MTAP: variants seen among roughly 807,000 people sequenced by gnomAD.
MTAP encodes the protein S-methyl-5'-thioadenosine phosphorylase.
Under a neutral mutation model 33.6 loss-of-function variants are expected in MTAP, and 33 were observed. The observed-to-expected ratio is 0.98, with a 90% CI of 0.74 to 1.31. The LOEUF (loss-of-function observed/expected upper bound fraction) is 1.31, where lower values mean the gene tolerates loss of function less well. Ranked by LOEUF, MTAP falls within the 40% of genes most tolerant of loss-of-function variation. MTAP has a pLI of 0.00. For missense variants in MTAP, 367 were observed against 360.0 expected (o/e 1.02, Z -0.16); for synonymous variants, 148 against 125.7 (o/e 1.18, Z -1.19).
At chr9:21,852,721 A>G (rs1273447611) in intron 5 of MTAP, among the ~76,000 whole-genome samples, 1 of 151,548 alleles carries the variant, frequency 6.6e-6, no homozygotes, top group Non-Finnish European at 1.5e-5. Context: ...AAAAAAAAAA[A>G]GCCTGGTAAT....
intron 4 of MTAP, among the ~76,000 whole-genome samples, chr9:21,835,689 A>C (rs2118294626): frequency 6.6e-6 from 1 of 152,174 alleles, no homozygotes; most frequent in African/African-American, 2.4e-5. Context: ...TACACATTTC[A>C]TTCTGGAATT....
chr9:21,815,312 A>G, intron 1 of MTAP, 121 bp from the exon 2 acceptor site: 1 of 633,034 alleles, frequency 1.6e-6, no homozygotes, highest in Non-Finnish European at 2.6e-6. Context: ...CAGATTTCAA[A>G]AAAATAACTA....
intron 4 of MTAP, among the ~76,000 whole-genome samples, chr9:21,834,453 T>C (rs540765320): frequency 2.0e-5 from 3 of 152,346 alleles, no homozygotes; most frequent in South Asian, 4.1e-4. Context: ...TATCTTTTAG[T>C]TCTGTAAGTT....
intron 1 of MTAP, among the ~76,000 whole-genome samples, chr9:21,873,018 G>A (rs557273881): frequency 6.6e-6 from 1 of 152,264 alleles, no homozygotes; most frequent in East Asian, 1.9e-4. Context: ...GTTCCTTGAT[G>A]TTACTAGAGC....
intron 1 of MTAP, among the ~76,000 whole-genome samples, chr9:21,921,093 G>A (rs1450487624): frequency 2.6e-5 from 4 of 151,946 alleles, no homozygotes; most frequent in Non-Finnish European, 4.4e-5. Flanking sequence ...GTTTGTTCAA[G>A]TTATTTTTTT....
At chr9:21,903,316 A>AT (rs201733990) in intron 1 of MTAP, among the ~76,000 whole-genome samples, 7 of 152,060 alleles carry the variant, frequency 4.6e-5, no homozygotes, top group African/African-American at 1.7e-4. Context: ...ATGACAAAAG[A>AT]TTTTTTTTTA....
chr9:21,914,583 A>C (rs984922527), intron 1 of MTAP, among the ~76,000 whole-genome samples: 5 of 140,584 alleles, frequency 3.6e-5, no homozygotes, highest in Non-Finnish European at 7.7e-5. Flanking sequence ...TTGAGCAATG[A>C]CAACTCTTGG....
chr9:21,931,264 G>T, downstream of MTAP: 2 of 609,194 alleles, frequency 3.3e-6, no homozygotes, highest in South Asian at 2.0e-5. Flanking sequence ...AGTTACAGAA[G>T]ACTGACCTTC....
At chr9:21,810,290 A>G (rs192002595) in intron 1 of MTAP, among the ~76,000 whole-genome samples, 99 of 152,318 alleles carry the variant, frequency 6.5e-4, no homozygotes, top group African/African-American at 2.0e-3. Flanking sequence ...TTATATCCCA[A>G]TCTCTTGTAA....
chr9:21,839,723 A>C (rs1249305198), intron 5 of MTAP, among the ~76,000 whole-genome samples: 1 of 152,226 alleles, frequency 6.6e-6, no homozygotes, highest in East Asian at 1.9e-4. Context: ...TAACATCCAC[A>C]TGATCTTTCA....
At chr9:21,836,645 C>G (rs1825114733) in intron 4 of MTAP, among the ~76,000 whole-genome samples, 1 of 152,216 alleles carries the variant, frequency 6.6e-6, no homozygotes, top group African/African-American at 2.4e-5. Flanking sequence ...TTTATACAGG[C>G]TGAAACAGTC....
At chr9:21,929,772 C>A (rs2131046046) in intron 1 of MTAP, 1 of 216,360 alleles carries the variant, frequency 4.6e-6, no homozygotes, top group Non-Finnish European at 9.6e-6. Context: ...ATCCACAAGG[C>A]ACCTCTCATT....
chr9:21,888,736 A>T (rs527818346), intron 1 of MTAP, among the ~76,000 whole-genome samples: 4 of 152,108 alleles, frequency 2.6e-5, no homozygotes, highest in Non-Finnish European at 5.9e-5. Context: ...TCTCTTGAAG[A>T]CTTATTTTCC....
At position 21,913,184 on chromosome 9, in the gene MTAP, C is replaced by A. The variant is rs7039330; in HGVS notation, c.148-17824C>A. ...GCTCATGGATAGGAAGAATCAATATCGTGAAAATGGCCATACTGCCCAAGG... is the reference window on the plus strand; with the variant it reads ...GCTCATGGATAGGAAGAATCAATATAGTGAAAATGGCCATACTGCCCAAGG... On this transcript the variant is annotated intron_variant, in intron 1 of 1. Transcript: ENST00000577563. Among the ~76,000 whole-genome samples, 981 of 152,218 alleles carry A rather than the reference C, an allele frequency of 6.4e-3. 11 individuals carry two copies. The highest frequency in any genetic ancestry group is 0.022 in the African/African-American group (926 of 41,530).
At chr9:21,916,422 C>G (rs140084238) in intron 1 of MTAP, among the ~76,000 whole-genome samples, 1 of 151,958 alleles carries the variant, frequency 6.6e-6, no homozygotes, top group Non-Finnish European at 1.5e-5. Context: ...CAGGCCTGGC[C>G]AATATGGTGA....
In MTAP at chr9:21,865,092, C is replaced by G; in HGVS notation, c.*3078C>G. ...CTCCTTGATAAGGTTTGGCGGTGTCCCCACCCAAATCTCATGTTGAATTGT... is the reference window on the plus strand; with the variant it reads ...CTCCTTGATAAGGTTTGGCGGTGTCGCCACCCAAATCTCATGTTGAATTGT... On this transcript the variant is annotated 3_prime_UTR_variant, in exon 8 of 8. Coordinates refer to ENST00000644715, the MANE Select transcript of MTAP (RefSeq NM_002451.4). 2.0e-6 allele frequency: 2 copies of G among 985,220 alleles called. No individual in the cohort carries two copies. The highest frequency in any genetic ancestry group is 2.4e-6 in the Non-Finnish European group (2 of 829,836). The allele number at this position is 985,220 out of a possible 1,614,324, so 61.0% of individuals were successfully genotyped here. A position where few individuals can be genotyped will look rare whatever the true frequency, so the allele number is the denominator to read the frequency against.
chr9:21,865,980 C>T lies in MTAP; in HGVS notation c.*3966C>T, dbSNP rs970636174. 5 of 187,684 alleles carry T rather than the reference C, an allele frequency of 2.7e-5. No individual in the cohort carries two copies. The Admixed American group carries it at 3.3e-4, about 12-fold the overall frequency. 11.6% of individuals were successfully genotyped at this position (187,684 alleles called of 1,614,324 possible). On this transcript the variant is annotated 3_prime_UTR_variant, in exon 8 of 8. Transcript: ENST00000644715. ...CTGCTATAAGCATGAAATTACAAGT[C>T]TTTTTGTGAACATATTTTCACTTGT...
At chr9:21,880,486 A>T (rs973061112) in intron 1 of MTAP, among the ~76,000 whole-genome samples, 1 of 152,160 alleles carries the variant, frequency 6.6e-6, no homozygotes, top group Non-Finnish European at 1.5e-5. Flanking sequence ...ACATAATCTT[A>T]TACAGTATTT....
intron 1 of MTAP, among the ~76,000 whole-genome samples, chr9:21,912,331 A>G (rs868688323): frequency 3.2e-4 from 48 of 152,338 alleles, no homozygotes; most frequent in African/African-American, 1.1e-3. Flanking sequence ...CACAACAAAA[A>G]AAGAGAATTT....
Sources: gnomAD v4.1 joint callset for allele counts (sites outside exome capture counted in the v4.1 genomes callset) on GRCh38, gnomAD v4.1.1 for gene constraint, MANE v1.5 for transcripts, NCBI Gene and HGNC (gene_info 2026-07-23, HGNC 2026-07-21) for gene names.